Variants in CACNA2D1 observed in about 807,000 individuals in gnomAD.
CACNA2D1 encodes the protein voltage-dependent calcium channel subunit alpha-2/delta-1.
A neutral mutation model predicts 171.5 loss-of-function variants in CACNA2D1; 53 were observed. The observed-to-expected ratio is 0.31, with a 90% CI of 0.25 to 0.39. The LOEUF (loss-of-function observed/expected upper bound fraction) is 0.39, where lower values mean the gene tolerates loss of function less well. Ranked by LOEUF, CACNA2D1 falls within the 10% of genes least tolerant of loss-of-function variation. The pLI, the probability that CACNA2D1 is intolerant of heterozygous loss-of-function variation, is 1.00. For synonymous variants in CACNA2D1, 442 were observed against 443.1 expected, an observed-to-expected ratio of 1.00 and a Z score of 0.03; for missense variants, 903 against 1,299.8, an observed-to-expected ratio of 0.69 and a Z score of 4.69.
chr7:82,276,902 C>T (rs1195362534), intron 3 of CACNA2D1, among the ~76,000 whole-genome samples: 1 of 151,892 alleles, frequency 6.6e-6, no homozygotes, highest in African/African-American at 2.4e-5. Context: ...GCAACCACCA[C>T]CATAACCAGC....
chr7:82,358,581 C>T (rs1005070651), intron 1 of CACNA2D1, among the ~76,000 whole-genome samples: 1 of 152,002 alleles, frequency 6.6e-6, no homozygotes, highest in African/African-American at 2.4e-5. Context: ...TCATGCTAAT[C>T]AGTGGAAAGG....
rs558619322 is a variant in CACNA2D1, at chr7:82,083,712, T to A, written c.658+1057A>T. Reference sequence around the variant, plus strand: ...AAAAAAATTATTACTGATTTTACCATCTGGCATCTGCAACCCTGCAGAAGT... The same window carrying A: ...AAAAAAATTATTACTGATTTTACCAACTGGCATCTGCAACCCTGCAGAAGT... On this transcript the variant is annotated intron_variant, in intron 7 of 38. Coordinates refer to ENST00000356860, the MANE Select transcript of CACNA2D1 (RefSeq NM_000722.4). Among the ~76,000 whole-genome samples, 96 of 152,272 alleles carry A rather than the reference T, an allele frequency of 6.3e-4. 1 individual carries two copies. The highest frequency in any genetic ancestry group is 2.3e-3 in the African/African-American group (94 of 41,568).
At chr7:82,069,852 AAAAACT>A (rs1168862598) in intron 7 of CACNA2D1, among the ~76,000 whole-genome samples, 1 of 152,132 alleles carries the variant, frequency 6.6e-6, no homozygotes, top group Non-Finnish European at 1.5e-5. Flanking sequence ...TTCTAATCCT[AAAAACT>A]TCACAGTCTT....
intron 26 of CACNA2D1, among the ~76,000 whole-genome samples, chr7:81,971,403 G>A (rs1795257446): frequency 6.6e-6 from 1 of 151,564 alleles, no homozygotes; most frequent in Non-Finnish European, 1.5e-5. Flanking sequence ...AAATGGGGTG[G>A]AGAAGAGATT....
At position 82,333,129 on chromosome 7, in the gene CACNA2D1, T is replaced by C. The variant is rs145507407; in HGVS notation, c.294+2006A>G. 1.6e-3 allele frequency among the ~76,000 whole-genome samples: 241 copies of C among 152,276 alleles called. 1 individual carries two copies. Among genetic ancestry groups the C allele is most frequent in the Non-Finnish European group, 3.1e-3 (210 of 68,020 alleles). The stretch of plus-strand genomic sequence containing the variant: ...GTATAAAATACTGCTAAATAAGAGA[T>C]ACTATTTATAAATAGAAAGACAAAA... On this transcript the variant is annotated intron_variant, in intron 3 of 38. Coordinates refer to ENST00000356860, the MANE Select transcript of CACNA2D1 (RefSeq NM_000722.4).
chr7:82,108,508 A>G (rs950939413), intron 6 of CACNA2D1, among the ~76,000 whole-genome samples: 2 of 152,152 alleles, frequency 1.3e-5, no homozygotes, highest in Non-Finnish European at 2.9e-5. Flanking sequence ...GCTTCAACAT[A>G]TAAATTGGGG....
chr7:82,393,075 AAGGAAGGAAGGCAGGCAGGC>A (rs1280147479), intron 1 of CACNA2D1, among the ~76,000 whole-genome samples: 2 of 125,998 alleles, frequency 1.6e-5, no homozygotes, highest in Non-Finnish European at 3.3e-5. Flanking sequence ...GGAAGGAAGG[AAGGAAGGAAGGCAGGCAGGC>A]AGGCAGGCAG....
intron 3 of CACNA2D1, among the ~76,000 whole-genome samples, chr7:82,198,201 G>T (rs1446993978): frequency 1.3e-5 from 2 of 152,066 alleles, no homozygotes; most frequent in African/African-American, 2.4e-5. Flanking sequence ...CCTATCAGTA[G>T]GTGCTATTAA....
intron 10 of CACNA2D1, among the ~76,000 whole-genome samples, chr7:82,058,816 C>G (rs1487989725): frequency 6.6e-6 from 1 of 152,150 alleles, no homozygotes; most frequent in Non-Finnish European, 1.5e-5. Flanking sequence ...AAGAGTTTCA[C>G]AGGGCTCCTT....
intron 3 of CACNA2D1, among the ~76,000 whole-genome samples, chr7:82,291,404 G>T: frequency 2.4e-5 from 3 of 123,730 alleles, no homozygotes; most frequent in African/African-American, 6.1e-5. Context: ...ATCTACACTA[G>T]ATATATAATA....
At chr7:82,048,516 T>C (rs551534917) in intron 10 of CACNA2D1, among the ~76,000 whole-genome samples, 9 of 152,276 alleles carry the variant, frequency 5.9e-5, no homozygotes, top group African/African-American at 2.2e-4. Context: ...GCATATTAGT[T>C]TTCAAGCTAT....
chr7:82,439,075 C>A (rs558082314), intron 1 of CACNA2D1, among the ~76,000 whole-genome samples: 2 of 152,158 alleles, frequency 1.3e-5, no homozygotes, highest in Admixed American at 1.3e-4. Flanking sequence ...AGCTTGAAGA[C>A]ATGTGCTAGG....
At chr7:81,959,644 A>G (rs1793863008) in intron 37 of CACNA2D1, 76 bp downstream of exon 37, 1 of 1,432,132 alleles carries the variant, frequency 7.0e-7, no homozygotes, top group Non-Finnish European at 9.7e-7. Flanking sequence ...CTCTTTATGA[A>G]TATAAACAAT....
intron 1 of CACNA2D1, among the ~76,000 whole-genome samples, chr7:82,378,496 C>A (rs6972540): frequency 3.3e-4 from 51 of 152,250 alleles, no homozygotes; most frequent in African/African-American, 1.2e-3. Flanking sequence ...TGATTATGAG[C>A]TCAGTTTCTT....
rs1373925939 is a variant in CACNA2D1, at chr7:82,400,141, C to T, written c.95+43224G>A. Reference sequence around the variant, plus strand: ...AGTTTGAAGTCAGGTAGTGTGATGCCTCCAGCTTTGTTCTTTTGGCTTAGG... The same window carrying T: ...AGTTTGAAGTCAGGTAGTGTGATGCTTCCAGCTTTGTTCTTTTGGCTTAGG... On this transcript the variant is annotated intron_variant, in intron 1 of 38. Coordinates refer to ENST00000356860, the MANE Select transcript of CACNA2D1 (RefSeq NM_000722.4). Among the ~76,000 whole-genome samples the T allele has an allele frequency of 2.0e-5, 3 of 150,390 alleles. No individual in the cohort carries two copies. The South Asian group carries it at 6.4e-4, about 32-fold the overall frequency.
At chr7:81,997,304 T>C in intron 18 of CACNA2D1, 54 bp from the exon 19 acceptor site, 1 of 1,130,900 alleles carries the variant, frequency 8.8e-7, no homozygotes, top group Non-Finnish European at 1.4e-6. Flanking sequence ...AATGATGCTG[T>C]GTATAAAACA....
intron 3 of CACNA2D1, among the ~76,000 whole-genome samples, chr7:82,303,232 T>C (rs774161312): frequency 2.0e-5 from 3 of 151,970 alleles, no homozygotes; most frequent in South Asian, 2.1e-4. Context: ...CTCCTGACCT[T>C]GTGATCTGCC....
At chr7:82,097,394 G>A (rs1812018491) in intron 6 of CACNA2D1, among the ~76,000 whole-genome samples, 1 of 152,158 alleles carries the variant, frequency 6.6e-6, no homozygotes, top group African/African-American at 2.4e-5. Context: ...TCAGACTGGT[G>A]AGGAGTAATA....
At chr7:82,217,634 T>TCTCACACACA in intron 3 of CACNA2D1, among the ~76,000 whole-genome samples, 2 of 140,236 alleles carry the variant, frequency 1.4e-5, no homozygotes, top group African/African-American at 5.3e-5. Flanking sequence ...TGGCACAGTT[T>TCTCACACACA]CACACACACA....
Sources: allele counts gnomAD v4.1 joint callset (sites outside exome capture counted in the v4.1 genomes callset), GRCh38; gene constraint gnomAD v4.1.1; transcripts MANE v1.5; gene names NCBI Gene and HGNC (gene_info 2026-07-23, HGNC 2026-07-21).